RANBP2: variants seen among roughly 807,000 people sequenced by gnomAD.
RANBP2 encodes RAN binding protein 2, also known as E3 SUMO-protein ligase RanBP2.
RANBP2 carries 57 observed loss-of-function variants against 303.6 expected under a neutral mutation model. The observed-to-expected ratio is 0.19, with a 90% CI of 0.15 to 0.23. The LOEUF (loss-of-function observed/expected upper bound fraction) is 0.23, where lower values mean the gene tolerates loss of function less well. Among genes scored for constraint, RANBP2 ranks in the 10% least tolerant of loss-of-function variants. The pLI, the probability that RANBP2 is intolerant of heterozygous loss-of-function variation, is 1.00. For synonymous variants in RANBP2, 1,167 were observed against 1,301.5 expected (o/e 0.90, Z 2.23); for missense variants, 3,138 against 3,780.8 (o/e 0.83, Z 4.46).
At chr2:109,530,900 A>G in the RANBP2 span, among the ~76,000 whole-genome samples, 1 of 152,056 alleles carries the variant, frequency 6.6e-6, no homozygotes, top group African/African-American at 2.4e-5. Flanking sequence ...ATCTACGGAG[A>G]GGGAGAAAAG....
the RANBP2 span, chr2:108,804,746 C>T: frequency 1.7e-6 from 1 of 584,888 alleles, no homozygotes; most frequent in East Asian, 3.2e-5. Context: ...TTACTTGCCA[C>T]ACTAGTCACT....
the RANBP2 span, among the ~76,000 whole-genome samples, chr2:109,242,135 T>G: frequency 6.6e-6 from 1 of 152,108 alleles, no homozygotes; most frequent in Non-Finnish European, 1.5e-5. Flanking sequence ...CTGGTCATGG[T>G]GGGCTCCCTG....
At chr2:109,500,122 G>A in the RANBP2 span, among the ~76,000 whole-genome samples, 1 of 152,168 alleles carries the variant, frequency 6.6e-6, no homozygotes. Context: ...TCTTTTGGCT[G>A]CCGTGAGGTT....
chr2:109,325,550 C>T, the RANBP2 span, among the ~76,000 whole-genome samples: 2 of 151,892 alleles, frequency 1.3e-5, no homozygotes, highest in African/African-American at 2.4e-5. Flanking sequence ...GTGACACAGC[C>T]CCTTTACAAC....
chr2:109,349,493 A>T, the RANBP2 span, among the ~76,000 whole-genome samples: 1 of 152,144 alleles, frequency 6.6e-6, no homozygotes, highest in Non-Finnish European at 1.5e-5. Context: ...TTCTCTGCCC[A>T]GTGGACTCTT....
At chr2:109,504,362 G>T in the RANBP2 span, 1 of 152,246 alleles carries the variant, frequency 6.6e-6, no homozygotes, top group Non-Finnish European at 1.5e-5. Flanking sequence ...GCCACCAGGG[G>T]CCTCTGCCCA....
At chr2:109,701,847 A>G in the RANBP2 span, among the ~76,000 whole-genome samples, 12 of 152,254 alleles carry the variant, frequency 7.9e-5, no homozygotes, top group African/African-American at 2.9e-4. Context: ...CCTTTACTTG[A>G]GTAAAAGTTT....
At chr2:109,277,922 C>T in the RANBP2 span, among the ~76,000 whole-genome samples, 2 of 151,776 alleles carry the variant, frequency 1.3e-5, no homozygotes, top group African/African-American at 4.8e-5. Context: ...CGCCTATAAT[C>T]CCAACATTTT....
chr2:109,480,198 T>G, the RANBP2 span, among the ~76,000 whole-genome samples: 1 of 152,216 alleles, frequency 6.6e-6, no homozygotes. Context: ...GCCCAACATC[T>G]GCATGGCACC....
the RANBP2 span, among the ~76,000 whole-genome samples, chr2:109,357,554 G>A: frequency 2.6e-5 from 4 of 152,294 alleles, no homozygotes; most frequent in South Asian, 2.1e-4. Context: ...TTACCAGCCC[G>A]CCCTTCCCGC....
the RANBP2 span, among the ~76,000 whole-genome samples, chr2:109,661,822 C>T: frequency 6.6e-5 from 10 of 152,188 alleles, no homozygotes; most frequent in Non-Finnish European, 1.0e-4. Context: ...GTAAAGCCTG[C>T]TCCTCCTACT....
the RANBP2 span, among the ~76,000 whole-genome samples, chr2:109,647,372 C>T: frequency 9.1e-3 from 1,385 of 152,108 alleles, 57 homozygotes; most frequent in East Asian, 0.12. Flanking sequence ...CCGTGTTGGC[C>T]AAGATGGTCT....
At chr2:109,490,495 A>C in the RANBP2 span, 1 of 958,262 alleles carries the variant, frequency 1.0e-6, no homozygotes, top group Non-Finnish European at 1.4e-6. Context: ...TGAAAAAATA[A>C]GAAATTTAAA....
chr2:108,719,544 G>A lies in RANBP2; in HGVS notation c.-63G>A. On this transcript the variant is annotated 5_prime_UTR_variant, in exon 1 of 29. In the 5' UTR this introduces an upstream ATG that the reference lacks. Transcript: ENST00000283195. ...GTTTGCAGGCGCTTTCCTCTTGGAA[G>A]TGGCGACTGCTGCGGGCCTGAGCGC... is the stretch of plus-strand genomic sequence containing the variant. 6.4e-7 allele frequency: 1 copy of A among 1,561,788 alleles called. No homozygotes were observed. Among genetic ancestry groups the A allele is most frequent in the Non-Finnish European group, 8.7e-7 (1 of 1,154,542 alleles).
the RANBP2 span, among the ~76,000 whole-genome samples, chr2:109,212,739 C>G: frequency 6.6e-6 from 1 of 152,180 alleles, no homozygotes; most frequent in African/African-American, 2.4e-5. Flanking sequence ...TCTCTTTGCC[C>G]GTGGCCCAAA....
chr2:108,940,116 C>G, the RANBP2 span: 1 of 152,220 alleles, frequency 6.6e-6, no homozygotes, highest in Non-Finnish European at 1.5e-5. Flanking sequence ...GAATATGAAC[C>G]ATTTATTGGC....
chr2:108,730,665 C>T (rs1695094206), intron 2 of RANBP2, 109 bp from the exon 3 acceptor site: 1 of 1,396,402 alleles, frequency 7.2e-7, no homozygotes, highest in African/African-American at 1.4e-5. Flanking sequence ...TTTTGAGTAA[C>T]AATATAAACG....
the RANBP2 span, among the ~76,000 whole-genome samples, chr2:108,971,453 C>T: frequency 6.6e-6 from 1 of 152,088 alleles, no homozygotes; most frequent in Non-Finnish European, 1.5e-5. Context: ...AAGGAGGACT[C>T]TCAACCCTGC....
the RANBP2 span, among the ~76,000 whole-genome samples, chr2:109,315,512 C>A: frequency 1.3e-5 from 2 of 152,248 alleles, no homozygotes; most frequent in Non-Finnish European, 2.9e-5. Context: ...TGAAAATGTG[C>A]ATATACAGAA....
Sources: allele counts gnomAD v4.1 joint callset (sites outside exome capture counted in the v4.1 genomes callset), GRCh38; gene constraint gnomAD v4.1.1; transcripts MANE v1.5; gene names NCBI Gene and HGNC (gene_info 2026-07-23, HGNC 2026-07-21).